The following CAST variants were observed in gnomAD, a reference collection of about 807,000 sequenced individuals.
The protein encoded by CAST is calpastatin, also known as MIR583 host.
A neutral mutation model predicts 119.6 loss-of-function variants in CAST; 76 were observed. That is an observed-to-expected ratio of 0.64 (90% CI 0.53 to 0.77). CAST has a LOEUF of 0.77. Ranked by LOEUF, CAST falls within the 30% of genes least tolerant of loss-of-function variation. The pLI, the probability that CAST is intolerant of heterozygous loss-of-function variation, is 0.00. For missense variants in CAST, 953 were observed against 946.5 expected, an observed-to-expected ratio of 1.01 and a Z score of -0.09; for synonymous variants, 319 against 331.6, an observed-to-expected ratio of 0.96 and a Z score of 0.41.
chr5:96,728,991 A>G (rs1357043916), intron 6 of CAST, 162 bp from the exon 7 acceptor site: 3 of 585,460 alleles, frequency 5.1e-6, no homozygotes, highest in Admixed American at 3.5e-5. Context: ...CTGATACCAC[A>G]TGTCTACTTC....
At chr5:96,164,443 A>G in the CAST span, among the ~76,000 whole-genome samples, 2 of 152,232 alleles carry the variant, frequency 1.3e-5, no homozygotes, top group South Asian at 4.1e-4. Context: ...TTGGATAATT[A>G]GTCTGTCTAG....
intron 1 of CAST, among the ~76,000 whole-genome samples, chr5:96,563,017 C>T (rs1460366245): frequency 3.3e-5 from 5 of 152,152 alleles, no homozygotes; most frequent in Admixed American, 6.5e-5. Flanking sequence ...TTATAAGACC[C>T]TCAAATGAGA....
chr5:96,620,287 T>C (rs1580849019), intron 1 of CAST, among the ~76,000 whole-genome samples: 1 of 143,550 alleles, frequency 7.0e-6, no homozygotes, highest in Non-Finnish European at 1.5e-5. Flanking sequence ...CAGTTCTTTT[T>C]CTTTTTTTTT....
the CAST span, among the ~76,000 whole-genome samples, chr5:96,310,566 T>C: frequency 7.1e-6 from 1 of 140,574 alleles, no homozygotes; most frequent in Non-Finnish European, 1.6e-5. Context: ...CTTAGGCTTT[T>C]TTTTTTTTAA....
chr5:96,622,857 CTTTTTTTTTTTT>C (rs5869727), intron 1 of CAST, among the ~76,000 whole-genome samples: 2 of 64,468 alleles, frequency 3.1e-5, no homozygotes. Context: ...TTATGGGACT[CTTTTTTTTTTTT>C]TTTTTTTTTT....
chr5:96,001,504 A>G, the CAST span, among the ~76,000 whole-genome samples: 149 of 152,278 alleles, frequency 9.8e-4, no homozygotes, highest in African/African-American at 3.6e-3. Context: ...ATTTCTTCAC[A>G]CTGTGGTACA....
the CAST span, among the ~76,000 whole-genome samples, chr5:96,491,525 A>AAG: frequency 1.4e-5 from 2 of 140,378 alleles, no homozygotes; most frequent in African/African-American, 5.3e-5. Flanking sequence ...AAAAAAAAAA[A>AAG]TTAAAAAGAC....
the CAST span, among the ~76,000 whole-genome samples, chr5:96,351,339 T>C: frequency 6.6e-6 from 1 of 152,142 alleles, no homozygotes; most frequent in Non-Finnish European, 1.5e-5. Flanking sequence ...GGCGGTGGCA[T>C]GCGTGTCCTT....
the CAST span, among the ~76,000 whole-genome samples, chr5:96,130,012 A>G: frequency 1.5e-5 from 2 of 129,234 alleles, no homozygotes; most frequent in South Asian, 5.1e-4. Context: ...AGGTAAGAAA[A>G]CACACACACT....
the CAST span, among the ~76,000 whole-genome samples, chr5:96,195,687 T>A: frequency 6.6e-6 from 1 of 152,194 alleles, no homozygotes; most frequent in Non-Finnish European, 1.5e-5. Flanking sequence ...TACTTTGAGC[T>A]TGATAGAGGA....
the CAST span, among the ~76,000 whole-genome samples, chr5:95,991,497 G>GT: frequency 0.022 from 1,417 of 64,864 alleles, 11 homozygotes; most frequent in Non-Finnish European, 0.028. Context: ...AACAAGTTTT[G>GT]TTTTTTTTTT....
At chr5:96,593,274 C>T (rs1194533447) in intron 1 of CAST, among the ~76,000 whole-genome samples, 1 of 152,216 alleles carries the variant, frequency 6.6e-6, no homozygotes, top group Non-Finnish European at 1.5e-5. Context: ...GCTTCAGCTC[C>T]AGCGTCACCT....
At chr5:96,147,849 T>G in the CAST span, among the ~76,000 whole-genome samples, 1 of 152,234 alleles carries the variant, frequency 6.6e-6, no homozygotes, top group Non-Finnish European at 1.5e-5. Flanking sequence ...ATCAGCACTT[T>G]AAAACCATCT....
the CAST span, among the ~76,000 whole-genome samples, chr5:96,378,076 C>T: frequency 6.6e-6 from 1 of 152,118 alleles, no homozygotes. Context: ...ACAAATACTG[C>T]ATGACTTCAT....
At chr5:96,563,610 GATACTTTTT>G (rs1746420548) in intron 1 of CAST, among the ~76,000 whole-genome samples, 1 of 151,998 alleles carries the variant, frequency 6.6e-6, no homozygotes, top group South Asian at 2.1e-4. Context: ...TCTATCTTCA[GATACTTTTT>G]GAATTTTATA....
the CAST span, among the ~76,000 whole-genome samples, chr5:96,092,714 G>A: frequency 1.3e-5 from 2 of 152,188 alleles, no homozygotes; most frequent in African/African-American, 4.8e-5. Flanking sequence ...ATAAAGGGAA[G>A]ACCCTGAAGC....
chr5:96,287,566 A>G, the CAST span, among the ~76,000 whole-genome samples: 1 of 152,086 alleles, frequency 6.6e-6, no homozygotes, highest in Admixed American at 6.5e-5. Flanking sequence ...TCCCTGTGGT[A>G]TTAACGGGTT....
the CAST span, among the ~76,000 whole-genome samples, chr5:96,287,561 G>A: frequency 1.3e-5 from 2 of 152,020 alleles, no homozygotes; most frequent in African/African-American, 4.8e-5. Flanking sequence ...TTTCTTCCCT[G>A]TGGTATTAAC....
chr5:96,740,736 T>G lies in CAST; in HGVS notation c.880-9T>G. On this transcript the variant is annotated splice_polypyrimidine_tract_variant and intron_variant, in intron 12 of 31. Transcript: ENST00000675179. ...CTTCTCAACATCATCAAATTAATAT[T>G]TGTTTCAGAAAAAGGAAGGGATCAC... 6.3e-7 allele frequency: 1 copy of G among 1,592,668 alleles called. No individual in the cohort carries two copies. Among genetic ancestry groups the G allele is most frequent in the Non-Finnish European group, 8.6e-7 (1 of 1,160,424 alleles).
Sources: allele counts gnomAD v4.1 joint callset (sites outside exome capture counted in the v4.1 genomes callset), GRCh38; gene constraint gnomAD v4.1.1; transcripts MANE v1.5; gene names NCBI Gene and HGNC (gene_info 2026-07-23, HGNC 2026-07-21).